The following MAP4 variants were observed in gnomAD, a reference collection of about 807,000 sequenced individuals.
MAP4 encodes the protein microtubule associated protein 4, also known as microtubule-associated protein 4.
In MAP4, 76 loss-of-function variants were observed where a neutral mutation model predicts 170.2. The ratio of observed to expected loss-of-function variants is 0.45; its 90% CI spans 0.37 to 0.54. The LOEUF is 0.54. Among genes scored for constraint, MAP4 ranks in the 20% least tolerant of loss-of-function variants. The pLI is 0.00. For missense variants in MAP4, 2,506 were observed against 2,748.0 expected (o/e 0.91, Z 1.97); for synonymous variants, 909 against 994.5 (o/e 0.91, Z 1.62).
rs1329609136 is a variant in MAP4 at position 47,853,399 on chromosome 3, G to T, written c.6697-47C>A. 2.3e-6 allele frequency: 3 copies of T among 1,298,170 alleles called. No homozygotes were observed. In the Admixed American group the frequency reaches 6.4e-5, roughly 28 times the overall value. The allele number at this position is 1,298,170 out of a possible 1,614,324, so 80.4% of individuals were successfully genotyped here. A position where few individuals can be genotyped will look rare whatever the true frequency, so the allele number is the denominator to read the frequency against. On this transcript the variant is annotated intron_variant, in intron 19 of 20. Transcript: ENST00000683076. ...GACAGTGCAGGGTCAGTCGAGGGGG[G>T]GAGTGGGATGGGGTGATGGTGGTGG...
intron 3 of MAP4, among the ~76,000 whole-genome samples, chr3:47,966,484 T>C (rs918982146): frequency 7.9e-5 from 12 of 151,888 alleles, no homozygotes; most frequent in Non-Finnish European, 1.8e-4. Flanking sequence ...CCTGACCTCA[T>C]GATCTGCCCT....
chr3:48,054,224 G>T (rs1467164314), intron 1 of MAP4, among the ~76,000 whole-genome samples: 1 of 151,924 alleles, frequency 6.6e-6, no homozygotes, highest in Non-Finnish European at 1.5e-5. Flanking sequence ...CTTGAACCCA[G>T]GAGGCGGAGA....
At chr3:47,875,543 C>G in intron 12 of MAP4, 142 bp downstream of exon 12, 1 of 808,356 alleles carries the variant, frequency 1.2e-6, no homozygotes. Flanking sequence ...TGCCAATTTT[C>G]AAATCACCCT....
intron 1 of MAP4, among the ~76,000 whole-genome samples, chr3:48,001,037 G>T (rs751172383): frequency 6.6e-6 from 1 of 151,992 alleles, no homozygotes; most frequent in African/African-American, 2.4e-5. Context: ...AGAAGTCATC[G>T]TACCCCCAAT....
Position 47,911,113 on chromosome 3 carries a change from G to A in MAP4, c.3308C>T (p.Pro1103Leu). 4 of 1,536,122 alleles carry A rather than the reference G, an allele frequency of 2.6e-6. No homozygotes were observed. Among genetic ancestry groups the A allele is most frequent in the Non-Finnish European group, 3.5e-6 (4 of 1,146,902 alleles). ...DGRAVLIPSE[P>L]VSKTEGMTTQ... Reference sequence around the variant, plus strand: ...AGTCATTCCTTCAGTTTTAGAGACTGGCTCACTCGGTATGAGAACAGCCCT... The same window carrying A: ...AGTCATTCCTTCAGTTTTAGAGACTAGCTCACTCGGTATGAGAACAGCCCT... Residue 1103 changes from proline (P) to leucine (L), a missense_variant, in exon 9 of 21, where the codon CCA becomes CTA. Physicochemically the swap from Pro to Leu is moderately conservative, Grantham distance 98 (BLOSUM62 -3). Coordinates refer to ENST00000683076, the MANE Select transcript of MAP4 (RefSeq NM_001385682.1). The surrounding 1 kb of genome is among the most constrained non-coding windows in gnomAD (Gnocchi z 4.0).
intron 1 of MAP4, among the ~76,000 whole-genome samples, chr3:48,083,222 T>C (rs1229583588): frequency 6.6e-6 from 1 of 152,184 alleles, no homozygotes; most frequent in African/African-American, 2.4e-5. Context: ...TCAGGTTATA[T>C]AAAATGTTAA....
At chr3:47,860,962 C>T (rs1481914093) in intron 17 of MAP4, among the ~76,000 whole-genome samples, 1 of 152,192 alleles carries the variant, frequency 6.6e-6, no homozygotes, top group East Asian at 1.9e-4. Context: ...GTGGCTCACA[C>T]CTGTAATCCC....
At chr3:48,036,503 T>C (rs1193455582) in intron 1 of MAP4, among the ~76,000 whole-genome samples, 2 of 152,226 alleles carry the variant, frequency 1.3e-5, no homozygotes, top group Non-Finnish European at 2.9e-5. Flanking sequence ...TCAAAGTACA[T>C]GAATGTGCCT....
intron 5 of MAP4, among the ~76,000 whole-genome samples, chr3:47,920,708 C>T (rs530302073): frequency 5.3e-5 from 8 of 152,194 alleles, no homozygotes; most frequent in East Asian, 1.9e-4. Context: ...TGTGCCACCA[C>T]GCCTGGATGA....
chr3:47,917,686 T>G (rs908241260), intron 6 of MAP4, among the ~76,000 whole-genome samples: 2 of 151,686 alleles, frequency 1.3e-5, no homozygotes, highest in Non-Finnish European at 2.9e-5. Context: ...TGTAAAATAC[T>G]GGGAGGACAA....
chr3:48,040,417 T>C (rs972774616), intron 1 of MAP4, among the ~76,000 whole-genome samples: 1 of 150,840 alleles, frequency 6.6e-6, no homozygotes, highest in African/African-American at 2.4e-5. Context: ...TACAGGCGCC[T>C]GCAGCCATGC....
intron 3 of MAP4, among the ~76,000 whole-genome samples, chr3:47,950,912 G>C (rs2100063309): frequency 6.6e-6 from 1 of 152,124 alleles, no homozygotes; most frequent in Non-Finnish European, 1.5e-5. Context: ...ATTATTTAAA[G>C]TAGCTTTTCT....
At chr3:47,909,017 T>C (rs1322796460) in intron 9 of MAP4, 21 bp downstream of exon 9, 1 of 1,596,896 alleles carries the variant, frequency 6.3e-7, no homozygotes, top group Non-Finnish European at 8.5e-7. Context: ...GCACACACAT[T>C]TCCCCATGGC....
In MAP4 at chr3:48,056,983, T is replaced by TG. The variant is rs1314817069; in HGVS notation, c.-20+31789dup. Among the ~76,000 whole-genome samples, 436 of 65,528 alleles carry TG rather than the reference T, an allele frequency of 6.7e-3. 1 individual carries two copies. The highest frequency in any genetic ancestry group is 8.6e-3 in the Admixed American group (61 of 7,056). 43.0% of individuals were successfully genotyped at this position (65,528 alleles called of 152,430 possible). ...CCAGCCGCCCCGTCCGGGAGGGAGG[T>TG]GGGGGGGGTCAGCCCCCCTGCCCGG... is the stretch of plus-strand genomic sequence containing the variant. On this transcript the variant is annotated intron_variant, in intron 1 of 18. Transcript: ENST00000360240.
At chr3:47,901,232 ACTTCT>A (rs1297662557) in intron 10 of MAP4, among the ~76,000 whole-genome samples, 1 of 152,192 alleles carries the variant, frequency 6.6e-6, no homozygotes, top group African/African-American at 2.4e-5. Flanking sequence ...AGAGGAGTAA[ACTTCT>A]CTTACTAGAG....
chr3:47,890,916 C>A lies in MAP4; in HGVS notation c.5434+12034G>T, dbSNP rs550949040. Reference sequence around the variant, plus strand: ...GAATTAAGCTTTCCCCAGGCAGTCACAGAACCCAGCTGTAAAAAGCTGCTT... The same window carrying A: ...GAATTAAGCTTTCCCCAGGCAGTCAAAGAACCCAGCTGTAAAAAGCTGCTT... On this transcript the variant is annotated intron_variant, in intron 10 of 20. Coordinates refer to ENST00000683076, the MANE Select transcript of MAP4 (RefSeq NM_001385682.1). 2.0e-5 allele frequency: 18 copies of A among 904,912 alleles called. No individual in the cohort carries two copies. The African/African-American group carries it at 2.7e-4, about 14-fold the overall frequency. 56.1% of individuals were successfully genotyped at this position (904,912 alleles called of 1,614,324 possible). A position where few individuals can be genotyped will look rare whatever the true frequency, so the allele number is the denominator to read the frequency against.
At chr3:47,983,754 A>G (rs1353770941) in intron 2 of MAP4, among the ~76,000 whole-genome samples, 1 of 152,114 alleles carries the variant, frequency 6.6e-6, no homozygotes, top group Non-Finnish European at 1.5e-5. Flanking sequence ...CCTGGGCTCA[A>G]GTGGTACTCC....
At chr3:48,026,921 C>G (rs1442267565) in intron 1 of MAP4, among the ~76,000 whole-genome samples, 1 of 152,196 alleles carries the variant, frequency 6.6e-6, no homozygotes, top group Non-Finnish European at 1.5e-5. Flanking sequence ...AAAAACCCTA[C>G]ATATCAATAC....
intron 1 of MAP4, among the ~76,000 whole-genome samples, chr3:48,060,972 G>A (rs965741933): frequency 1.3e-5 from 2 of 151,944 alleles, no homozygotes; most frequent in African/African-American, 4.8e-5. Flanking sequence ...AGCCTCCCAA[G>A]TAGCTGGGAC....
Sources: allele counts gnomAD v4.1 joint callset (sites outside exome capture counted in the v4.1 genomes callset), GRCh38; gene constraint gnomAD v4.1.1; non-coding constraint Gnocchi (gnomAD v3.1); transcripts MANE v1.5; gene names NCBI Gene and HGNC (gene_info 2026-07-23, HGNC 2026-07-21).